The following EMC1 variants were observed in gnomAD, a reference collection of about 807,000 sequenced individuals.
EMC1 encodes the protein ER membrane protein complex subunit 1, also known as KIAA0090.
Under a neutral mutation model 128.8 loss-of-function variants are expected in EMC1, and 103 were observed. The ratio of observed to expected loss-of-function variants is 0.80; its 90% CI spans 0.68 to 0.94. The LOEUF is 0.94. Ranked by LOEUF, EMC1 falls within the 40% of genes least tolerant of loss-of-function variation. The pLI, the probability that EMC1 is intolerant of heterozygous loss-of-function variation, is 0.00. For synonymous variants in EMC1, 442 were observed against 490.4 expected (o/e 0.90, Z 1.30); for missense variants, 1,083 against 1,250.6 (o/e 0.87, Z 2.02).
intron 17 of EMC1, among the ~76,000 whole-genome samples, chr1:19,230,596 A>G (rs2093513491): frequency 1.3e-5 from 2 of 152,172 alleles, no homozygotes. Flanking sequence ...AGAATGTGGA[A>G]TGAAAGCTCC....
chr1:19,234,614 A>G (rs917805187), intron 13 of EMC1, among the ~76,000 whole-genome samples: 1 of 152,184 alleles, frequency 6.6e-6, no homozygotes, highest in Non-Finnish European at 1.5e-5. Flanking sequence ...TTGGGAGGCC[A>G]AAGCTGGCAG....
At position 19,218,986 on chromosome 1, in the gene EMC1, T is replaced by TA. The variant is rs747596116; in HGVS notation, c.*316dup. 29 of 169,436 alleles carry TA rather than the reference T, an allele frequency of 1.7e-4. No individual in the cohort carries two copies. Among genetic ancestry groups the TA allele is most frequent in the Non-Finnish European group, 2.6e-4 (23 of 89,134 alleles). The allele number at this position is 169,436 out of a possible 1,614,324, so 10.5% of individuals were successfully genotyped here. A position where few individuals can be genotyped will look rare whatever the true frequency, so the allele number is the denominator to read the frequency against. ...CACAAAAATCAGCCGGAATTCTTAT[T>TA]AAAAAAAACAAAACAGAACATTCAT... is the stretch of plus-strand genomic sequence containing the variant. On this transcript the variant is annotated 3_prime_UTR_variant, in exon 23 of 23. Coordinates refer to ENST00000477853, the MANE Select transcript of EMC1 (RefSeq NM_015047.3).
intron 22 of EMC1, 43 bp from the exon 23 acceptor site, chr1:19,219,525 T>C (rs2093414919): frequency 6.2e-7 from 1 of 1,613,708 alleles, no homozygotes; most frequent in Non-Finnish European, 8.5e-7. Context: ...AAACAACCAA[T>C]GATCCACCAA....
rs781453209 is a variant in EMC1 at position 19,222,666 on chromosome 1, C to T, written c.2545G>A (p.Ala849Thr). 30 of 1,613,970 alleles carry T rather than the reference C, an allele frequency of 1.9e-5. No individual in the cohort carries two copies. Among genetic ancestry groups the T allele is most frequent in the Non-Finnish European group, 2.3e-5 (27 of 1,180,034 alleles). The change falls in exon 20 of 23, where the codon GCC becomes ACC. Residue 849 changes from alanine to threonine, a missense_variant. Physicochemically the swap from Ala to Thr is moderately conservative, Grantham distance 58. Coordinates refer to ENST00000477853, the MANE Select transcript of EMC1 (RefSeq NM_015047.3). Reference protein sequence around the residue: ...IFPSSISAMEATITERGITSR... With the variant: ...IFPSSISAMETTITERGITSR... ...GTGATGCCCCGTTCGGTGATGGTGG[C>T]CTCCATGGCACTGATGGAGGACGGG...
chr1:19,219,785 A>G (rs1412217733), intron 21 of EMC1, 87 bp from the exon 22 acceptor site: 5 of 1,496,898 alleles, frequency 3.3e-6, no homozygotes, highest in Non-Finnish European at 4.6e-6. Flanking sequence ...GGAGGTTTCC[A>G]GGCTACATAT....
At chr1:19,235,328 G>A (rs2093554391) in intron 12 of EMC1, 76 bp from the exon 13 acceptor site, 10 of 1,497,742 alleles carry the variant, frequency 6.7e-6, no homozygotes, top group Non-Finnish European at 9.0e-6. Context: ...AGCACTTTGG[G>A]AGGCCAAGGT....
At position 19,238,091 on chromosome 1, in the gene EMC1, C is replaced by T. The variant is rs534077257; in HGVS notation, c.1138G>A (p.Val380Met). Reference protein sequence around the residue: ...NQTYTINLYLVETGRRLLDTT... With the variant: ...NQTYTINLYLMETGRRLLDTT... ...TCCAGCAGCCGCCGACCTGTCTCCA[C>T]GAGGTATAGGTTAATGGTGTAGGTC... The change falls in exon 11 of 23, where the codon GTG becomes ATG. Residue 380 changes from valine (V) to methionine (M), a missense_variant. Physicochemically the swap from Val to Met is conservative, Grantham distance 21. Around this residue, in one of 3 missense-constraint regions of EMC1, gnomAD observed 544 missense variants for 572.4 expected, o/e 0.95. Transcript: ENST00000477853. 34 of 1,614,022 alleles carry T rather than the reference C, an allele frequency of 2.1e-5. No homozygotes were observed. The highest frequency in any genetic ancestry group is 2.7e-5 in the Non-Finnish European group (32 of 1,180,032).
Position 19,219,495 on chromosome 1 carries a change from T to C in EMC1, c.2803-13A>G, listed in dbSNP as rs775064384. ...CATAGGCCACAACCTGGAAGGCAGA[T>C]GGAATAAGAATTAGGAAAGAAACAA... On this transcript the variant is annotated splice_polypyrimidine_tract_variant and intron_variant, in intron 22 of 22. Coordinates refer to ENST00000477853, the MANE Select transcript of EMC1 (RefSeq NM_015047.3). 21 of 1,613,758 alleles carry C rather than the reference T, an allele frequency of 1.3e-5. No homozygotes were observed. Among genetic ancestry groups the C allele is most frequent in the Non-Finnish European group, 1.7e-5 (20 of 1,179,952 alleles).
At position 19,219,062 on chromosome 1, in the gene EMC1, A is replaced by G. The variant is rs1341089365; in HGVS notation, c.*241T>C. ...CAGACGCCTTTGGACTTCAAGAGAA[A>G]GCCCATCAGGAATCTCTGAGAGTGT... On this transcript the variant is annotated 3_prime_UTR_variant, in exon 23 of 23. Transcript: ENST00000477853. 1 of 460,520 alleles carries G rather than the reference A, an allele frequency of 2.2e-6. No homozygotes were observed. Among genetic ancestry groups the G allele is most frequent in the East Asian group, 3.5e-5 (1 of 28,830 alleles). The allele number at this position is 460,520 out of a possible 1,614,324, so 28.5% of individuals were successfully genotyped here.
At chr1:19,243,583 C>A (rs763698480) in intron 4 of EMC1, 31 bp downstream of exon 4, 1 of 1,578,346 alleles carries the variant, frequency 6.3e-7, no homozygotes, top group Non-Finnish European at 8.7e-7. Flanking sequence ...GCCTTTAACT[C>A]AGTCAAGATA....
chr1:19,251,447 C>T lies in EMC1; in HGVS notation c.63G>A (p.Ala21=), dbSNP rs1417570365. 4 of 1,614,152 alleles carry T rather than the reference C, an allele frequency of 2.5e-6. No homozygotes were observed. Among genetic ancestry groups the T allele is most frequent in the East Asian group, 2.2e-5 (1 of 44,888 alleles). The change falls in exon 1 of 23, where the codon GCG becomes GCA. Residue 21 remains alanine (A), a synonymous_variant. Coordinates refer to ENST00000477853, the MANE Select transcript of EMC1 (RefSeq NM_015047.3). ...ACTTGCCCACTTGGTCTTCGTAGAC[C>T]GCGGCCGCAGGAATCAGCAGCGTAG... is the stretch of plus-strand genomic sequence containing the variant. ...LWATLLIPAA[A]VYEDQVGKFD...
rs1419248454 is a variant in EMC1 at position 19,220,771 on chromosome 1, G to A, written c.2665C>T (p.Gln889Ter). The A allele has an allele frequency of 6.2e-7, 1 of 1,613,316 alleles. No individual in the cohort carries two copies. ...DPRRPEIPTE[Q>*]SREENLIPYS... is the part of the protein sequence containing the mutation. Reference sequence around the variant, plus strand: ...TGCCCATGAGGGTCTCACCTGCTTTGTTCTGTTGGGATCTCGGGGCGGCGG... The same window carrying A: ...TGCCCATGAGGGTCTCACCTGCTTTATTCTGTTGGGATCTCGGGGCGGCGG... The change falls in exon 21 of 23, where the codon CAA (glutamine) becomes TAA (stop). Residue 889 changes from glutamine to a stop codon, truncating the protein, a stop_gained. Transcript: ENST00000477853. LOFTEE classifies it high-confidence loss of function.
intron 12 of EMC1, 93 bp from the exon 13 acceptor site, chr1:19,235,345 A>G (rs2093554631): frequency 1.5e-6 from 2 of 1,362,926 alleles, no homozygotes; most frequent in African/African-American, 2.9e-5. Flanking sequence ...AGGTGGGTGA[A>G]TCTCTTGAGC....
rs1460249886 is a variant in EMC1, at chr1:19,233,453, C to T, written c.1433-318G>A. On this transcript the variant is annotated intron_variant, in intron 13 of 22. Transcript: ENST00000477853. ...TGTGAATGTCTCCACCACAGCCCCA[C>T]ATCCAAGATGCTAAAAGAAGGTTTC... Among the ~76,000 whole-genome samples the T allele has an allele frequency of 4.6e-5, 7 of 152,348 alleles. No homozygotes were observed. In the South Asian group the frequency reaches 1.4e-3, roughly 32 times the overall value.
rs766309539 is a variant in EMC1 at position 19,239,909 on chromosome 1, C to T, written c.863G>A (p.Arg288Gln). The T allele has an allele frequency of 4.3e-6, 7 of 1,613,930 alleles. No individual in the cohort carries two copies. The highest frequency in any genetic ancestry group is 4.5e-5 in the East Asian group (2 of 44,894). The change falls in exon 8 of 23, where the codon CGG becomes CAG. Residue 288 changes from arginine (R) to glutamine (Q), a missense_variant. Arg to Gln is a conservative substitution (Grantham distance 43). Coordinates refer to ENST00000477853, the MANE Select transcript of EMC1 (RefSeq NM_015047.3). ...GGACAAGTGCAGGAAGAACTGGGCC[C>T]GGGAAGCGTCCACTGGGTTGGGCTG... is the stretch of plus-strand genomic sequence containing the variant. The part of the protein sequence containing the change: ...PTQPNPVDAS[R>Q]AQFFLHLSPS...
chr1:19,218,946 A>C lies in EMC1; in HGVS notation c.*357T>G, dbSNP rs2093410911. The stretch of plus-strand genomic sequence containing the variant: ...GAAACACAAAAGGCAAAGTAAAGTC[A>C]ATTTAAACAGGCCTCACAAAAATCA... On this transcript the variant is annotated 3_prime_UTR_variant, in exon 23 of 23. Coordinates refer to ENST00000477853, the MANE Select transcript of EMC1 (RefSeq NM_015047.3). 1 of 179,482 alleles carries C rather than the reference A, an allele frequency of 5.6e-6. No homozygotes were observed. Among genetic ancestry groups the C allele is most frequent in the Admixed American group, 5.6e-5 (1 of 17,940 alleles). 11.1% of individuals were successfully genotyped at this position (179,482 alleles called of 1,614,324 possible).
chr1:19,245,990 G>T (rs1214633431), intron 1 of EMC1, among the ~76,000 whole-genome samples: 1 of 152,080 alleles, frequency 6.6e-6, no homozygotes, highest in Non-Finnish European at 1.5e-5. Flanking sequence ...AGCCTACCAT[G>T]TGAGGCTAAT....
At chr1:19,225,386 T>C (rs1376919170) in intron 18 of EMC1, among the ~76,000 whole-genome samples, 1 of 151,952 alleles carries the variant, frequency 6.6e-6, no homozygotes, top group Admixed American at 6.6e-5. Context: ...GCACGGTGGC[T>C]CCCGCCTGTA....
chr1:19,225,407 T>C (rs540567329), intron 18 of EMC1, among the ~76,000 whole-genome samples: 117 of 152,240 alleles, frequency 7.7e-4, no homozygotes, highest in Admixed American at 2.7e-3. Context: ...ATCCCAGCAC[T>C]TAGGGAGGCC....
Sources: allele counts gnomAD v4.1 joint callset (sites outside exome capture counted in the v4.1 genomes callset), GRCh38; gene constraint gnomAD v4.1.1; regional missense constraint gnomAD v4.1.1; transcripts MANE v1.5; gene names NCBI Gene and HGNC (gene_info 2026-07-23, HGNC 2026-07-21).